Variants in CNBD1 observed in about 807,000 individuals in gnomAD.
The protein encoded by CNBD1 is cyclic nucleotide-binding domain-containing protein 1.
Under a neutral mutation model 54.4 loss-of-function variants are expected in CNBD1, and 71 were observed. That is an observed-to-expected ratio of 1.30 (90% CI 1.08 to 1.59). The LOEUF (loss-of-function observed/expected upper bound fraction) is 1.59. Ranked by LOEUF, CNBD1 falls within the 40% of genes most tolerant of loss-of-function variation. CNBD1 has a pLI of 0.00. For missense variants in CNBD1, 659 were observed against 518.0 expected (o/e 1.27, Z -2.64); for synonymous variants, 182 against 170.7 (o/e 1.07, Z -0.51).
intron 4 of CNBD1, among the ~76,000 whole-genome samples, chr8:86,958,148 T>A (rs1473573525): frequency 6.6e-6 from 1 of 152,164 alleles, no homozygotes; most frequent in Non-Finnish European, 1.5e-5. Context: ...TTTGAGTGAG[T>A]TTCTTAATCC....
intron 4 of CNBD1, among the ~76,000 whole-genome samples, chr8:87,053,991 A>G (rs1810362960): frequency 6.6e-6 from 1 of 152,240 alleles, no homozygotes; most frequent in Non-Finnish European, 1.5e-5. Flanking sequence ...GTCTTCCTTC[A>G]GATGGAGACA....
At chr8:87,391,614 C>A (rs530544745) in intron 2 of CNBD1, among the ~76,000 whole-genome samples, 2 of 151,956 alleles carry the variant, frequency 1.3e-5, no homozygotes, top group African/African-American at 2.4e-5. Context: ...ATCTTTTCAA[C>A]AAATCATGCT....
chr8:87,129,239 T>G (rs750315291), intron 4 of CNBD1, among the ~76,000 whole-genome samples: 1 of 151,972 alleles, frequency 6.6e-6, no homozygotes, highest in Non-Finnish European at 1.5e-5. Context: ...TTAGTAAAAT[T>G]AATACTACTT....
intron 8 of CNBD1, among the ~76,000 whole-genome samples, chr8:87,318,335 T>C (rs755344193): frequency 3.9e-5 from 6 of 152,106 alleles, no homozygotes; most frequent in Non-Finnish European, 5.9e-5. Flanking sequence ...TTGAGCTTTG[T>C]TCTGAGACAC....
intron 4 of CNBD1, among the ~76,000 whole-genome samples, chr8:87,113,411 A>G (rs1018490153): frequency 1.3e-5 from 2 of 152,242 alleles, no homozygotes; most frequent in African/African-American, 4.8e-5. Context: ...CTACAGTAAA[A>G]CAGGAATAAT....
At chr8:87,043,344 G>A (rs1040360820) in intron 4 of CNBD1, among the ~76,000 whole-genome samples, 1 of 152,094 alleles carries the variant, frequency 6.6e-6, no homozygotes, top group African/African-American at 2.4e-5. Context: ...TATCTATAAA[G>A]TCTGATATAA....
At chr8:86,965,760 G>A (rs145112693) in intron 4 of CNBD1, among the ~76,000 whole-genome samples, 2,810 of 152,240 alleles carry the variant, frequency 0.018, 58 homozygotes, top group Middle Eastern at 0.15. Context: ...GACAAGCGAA[G>A]GGTGAACAAG....
intron 6 of CNBD1, among the ~76,000 whole-genome samples, chr8:87,238,912 A>G (rs1807634771): frequency 6.6e-6 from 1 of 152,072 alleles, no homozygotes; most frequent in African/African-American, 2.4e-5. Context: ...ATCCTATGCC[A>G]TGGTCCTTAT....
At chr8:87,198,841 T>C (rs1378080201) in intron 4 of CNBD1, among the ~76,000 whole-genome samples, 1 of 152,156 alleles carries the variant, frequency 6.6e-6, no homozygotes, top group Non-Finnish European at 1.5e-5. Flanking sequence ...TGAGACTGGA[T>C]AATTTATAAA....
intron 10 of CNBD1, among the ~76,000 whole-genome samples, chr8:87,380,706 G>T (rs1268044184): frequency 6.6e-6 from 1 of 151,918 alleles, no homozygotes; most frequent in Non-Finnish European, 1.5e-5. Context: ...GTGTTTTGTA[G>T]TTTTCAGTAA....
At chr8:86,870,830 A>C (rs1185725145) in intron 1 of CNBD1, among the ~76,000 whole-genome samples, 1 of 152,146 alleles carries the variant, frequency 6.6e-6, no homozygotes, top group Non-Finnish European at 1.5e-5. Flanking sequence ...AACTAAAATA[A>C]ATAAGAATGA....
intron 6 of CNBD1, among the ~76,000 whole-genome samples, chr8:87,251,311 G>C (rs1807912244): frequency 6.6e-6 from 1 of 152,060 alleles, no homozygotes; most frequent in Non-Finnish European, 1.5e-5. Flanking sequence ...TGAGGCCTGG[G>C]TGCATTGGCT....
At chr8:87,306,220 C>A (rs1809140734) in intron 8 of CNBD1, among the ~76,000 whole-genome samples, 1 of 152,144 alleles carries the variant, frequency 6.6e-6, no homozygotes, top group South Asian at 2.1e-4. Context: ...CTCACTCCTG[C>A]AAGAGTAGCC....
At chr8:87,259,239 G>T (rs759824103) in intron 6 of CNBD1, among the ~76,000 whole-genome samples, 1 of 152,054 alleles carries the variant, frequency 6.6e-6, no homozygotes, top group African/African-American at 2.4e-5. Context: ...CGTCACTTTA[G>T]GACAAGAATT....
At chr8:87,114,061 G>A (rs1444684202) in intron 4 of CNBD1, among the ~76,000 whole-genome samples, 3 of 152,098 alleles carry the variant, frequency 2.0e-5, no homozygotes, top group African/African-American at 7.2e-5. Context: ...TATTATATAT[G>A]CATTAATCAA....
At chr8:86,936,742 C>CAAAAA (rs35376017) in intron 3 of CNBD1, among the ~76,000 whole-genome samples, 1 of 100,886 alleles carries the variant, frequency 9.9e-6, no homozygotes, top group African/African-American at 3.5e-5. Context: ...GACTCCATCT[C>CAAAAA]AAAAAAAAAA....
In CNBD1 at chr8:87,326,445, C is replaced by G. The variant is rs1156356846; in HGVS notation, c.1043-25240C>G. On this transcript the variant is annotated intron_variant, in intron 8 of 10. Transcript: ENST00000518476. ...CCCCATCACTTTCAGGTACACCAAT[C>G]AGACATAGATTTGGTCTTTTCACAT... 1.6e-5 allele frequency among the ~76,000 whole-genome samples: 2 copies of G among 126,912 alleles called. 1 individual carries two copies. The highest frequency in any genetic ancestry group is 5.7e-5 in the African/African-American group (2 of 34,890). 83.3% of individuals were successfully genotyped at this position (126,912 alleles called of 152,430 possible). A position where few individuals can be genotyped will look rare whatever the true frequency, so the allele number is the denominator to read the frequency against.
intron 2 of CNBD1, among the ~76,000 whole-genome samples, chr8:87,412,218 T>A (rs1472542721): frequency 6.6e-6 from 1 of 152,118 alleles, no homozygotes; most frequent in East Asian, 1.9e-4. Flanking sequence ...ATGTATGTAA[T>A]CTCCATCATC....
chr8:87,149,648 G>A (rs1812561802), intron 4 of CNBD1, among the ~76,000 whole-genome samples: 1 of 152,138 alleles, frequency 6.6e-6, no homozygotes, highest in African/African-American at 2.4e-5. Flanking sequence ...TTGGGGATGA[G>A]ACCCTGATCT....
Sources: allele counts gnomAD v4.1 joint callset (sites outside exome capture counted in the v4.1 genomes callset), GRCh38; gene constraint gnomAD v4.1.1; transcripts MANE v1.5; gene names NCBI Gene and HGNC (gene_info 2026-07-23, HGNC 2026-07-21).